Variants in RBMS1 observed in about 807,000 individuals in gnomAD.
RBMS1 encodes RNA-binding motif, single-stranded-interacting protein 1.
RBMS1 carries 17 observed loss-of-function variants against 62.3 expected under a neutral mutation model. That is an observed-to-expected ratio of 0.27 (90% CI 0.19 to 0.41). RBMS1 has a LOEUF of 0.41. RBMS1 is among the 10% of genes least tolerant of loss of function. RBMS1 has a pLI of 1.00. For missense variants in RBMS1, 334 were observed against 504.5 expected, an observed-to-expected ratio of 0.66 and a Z score of 3.24; for synonymous variants, 172 against 170.0, an observed-to-expected ratio of 1.01 and a Z score of -0.09.
At chr2:160,482,098 A>G (rs980747978) in intron 1 of RBMS1, among the ~76,000 whole-genome samples, 1 of 152,230 alleles carries the variant, frequency 6.6e-6, no homozygotes, top group Admixed American at 6.5e-5. Context: ...ATTTTGATAC[A>G]ATATATCCTG....
intron 1 of RBMS1, among the ~76,000 whole-genome samples, chr2:160,437,135 A>G (rs1318215145): frequency 6.6e-6 from 1 of 152,196 alleles, no homozygotes; most frequent in East Asian, 1.9e-4. Context: ...ACTTATACAG[A>G]AATAGAATAG....
intron 1 of RBMS1, among the ~76,000 whole-genome samples, chr2:160,409,502 C>T (rs1199136352): frequency 6.6e-6 from 1 of 152,210 alleles, no homozygotes; most frequent in East Asian, 1.9e-4. Flanking sequence ...CTTTTGCTGT[C>T]TCCTCTCACT....
chr2:160,390,688 C>CAA (rs34478081), intron 1 of RBMS1, among the ~76,000 whole-genome samples: 1,817 of 60,314 alleles, frequency 0.03, 77 homozygotes, highest in African/African-American at 0.065. Flanking sequence ...GACCCAGTCT[C>CAA]AAAAAAAAAA....
At chr2:160,346,934 AC>A (rs1213709100) in intron 2 of RBMS1, among the ~76,000 whole-genome samples, 1 of 152,122 alleles carries the variant, frequency 6.6e-6, no homozygotes, top group Non-Finnish European at 1.5e-5. Context: ...CAAAAAGCAA[AC>A]TTTGAAAAGA....
chr2:160,426,219 A>AAGAG lies in RBMS1; in HGVS notation c.76-58829_76-58828insCTCT, dbSNP rs1466981003. ...GAAAGGAAGAAAGAGAGAGAGACAGAAGAAAGAAAGAAAGAAAGAAAGAAA... is the reference window on the plus strand; with the variant it reads ...GAAAGGAAGAAAGAGAGAGAGACAGAAGAGAGAAAGAAAGAAAGAAAGAAAGAAA... On this transcript the variant is annotated intron_variant, in intron 1 of 13. Coordinates refer to ENST00000348849, the MANE Select transcript of RBMS1 (RefSeq NM_016836.4). Among the ~76,000 whole-genome samples, 207 of 30,272 alleles carry AAGAG rather than the reference A, an allele frequency of 6.8e-3. 3 individuals carry two copies. The highest frequency in any genetic ancestry group is 0.02 in the African/African-American group (167 of 8,278). The allele number at this position is 30,272 out of a possible 152,430, so 19.9% of individuals were successfully genotyped here. A position where few individuals can be genotyped will look rare whatever the true frequency, so the allele number is the denominator to read the frequency against.
At chr2:160,469,030 C>T (rs1221009525) in intron 1 of RBMS1, among the ~76,000 whole-genome samples, 2 of 152,148 alleles carry the variant, frequency 1.3e-5, no homozygotes, top group Admixed American at 6.5e-5. Flanking sequence ...TAAAAGAATA[C>T]AGGTTTCCCC....
At chr2:160,337,309 A>AT (rs1229425280) in intron 2 of RBMS1, among the ~76,000 whole-genome samples, 5 of 151,184 alleles carry the variant, frequency 3.3e-5, no homozygotes, top group Non-Finnish European at 5.9e-5. Flanking sequence ...AATTTTTTGT[A>AT]TTTTTAATAA....
chr2:160,473,448 A>T (rs1685005495), intron 1 of RBMS1, among the ~76,000 whole-genome samples: 1 of 152,178 alleles, frequency 6.6e-6, no homozygotes, highest in South Asian at 2.1e-4. Flanking sequence ...TTTAGGCAAA[A>T]TTCATGTTTT....
At chr2:160,364,932 T>A (rs1693318092) in intron 2 of RBMS1, among the ~76,000 whole-genome samples, 1 of 152,200 alleles carries the variant, frequency 6.6e-6, no homozygotes, top group African/African-American at 2.4e-5. Flanking sequence ...AAGTATTTCT[T>A]TTCTTTTTTA....
chr2:160,303,762 T>A (rs531557374), intron 4 of RBMS1, among the ~76,000 whole-genome samples: 1 of 152,166 alleles, frequency 6.6e-6, no homozygotes, highest in Admixed American at 6.5e-5. Context: ...CAACTCTCAG[T>A]TGTTTGCGGT....
At chr2:160,436,207 G>T (rs1471816448) in intron 1 of RBMS1, among the ~76,000 whole-genome samples, 1 of 152,206 alleles carries the variant, frequency 6.6e-6, no homozygotes, top group Non-Finnish European at 1.5e-5. Context: ...CATGGTGAGT[G>T]GCTTTGACCA....
intron 9 of RBMS1, chr2:160,283,277 T>G (rs1376566038): frequency 6.6e-6 from 1 of 152,206 alleles, no homozygotes; most frequent in Non-Finnish European, 1.5e-5. Context: ...GTTCAGACAG[T>G]TAAGAAAGAC....
chr2:160,407,870 C>G, intron 1 of RBMS1: 1 of 981,258 alleles, frequency 1.0e-6, no homozygotes, highest in Non-Finnish European at 1.2e-6. Context: ...AGCGCCGCCG[C>G]GTCCCCACCT....
At chr2:160,446,487 GAA>G (rs1202570545) in intron 1 of RBMS1, among the ~76,000 whole-genome samples, 3 of 152,194 alleles carry the variant, frequency 2.0e-5, no homozygotes, top group Non-Finnish European at 2.9e-5. Flanking sequence ...TCTGACACTT[GAA>G]GGTAGAGATT....
At chr2:160,424,105 G>A (rs62177353) in intron 1 of RBMS1, among the ~76,000 whole-genome samples, 40,938 of 150,100 alleles carry the variant, frequency 0.27, 6,121 homozygotes, top group East Asian at 0.6. Flanking sequence ...TGTAACCTCC[G>A]CCACTTGGGT....
chr2:160,401,350 T>C (rs1430122259), intron 1 of RBMS1, among the ~76,000 whole-genome samples: 2 of 152,240 alleles, frequency 1.3e-5, no homozygotes, highest in Non-Finnish European at 2.9e-5. Flanking sequence ...GCTGTCGTTA[T>C]ATTAAGTGTT....
At chr2:160,398,267 G>T (rs948366388) in intron 1 of RBMS1, among the ~76,000 whole-genome samples, 1 of 152,178 alleles carries the variant, frequency 6.6e-6, no homozygotes, top group Non-Finnish European at 1.5e-5. Context: ...TGAGGTGGGA[G>T]ATGTTTTAAT....
chr2:160,408,404 G>T (rs1479895843), intron 1 of RBMS1: 2 of 151,956 alleles, frequency 1.3e-5, no homozygotes, highest in Non-Finnish European at 2.9e-5. Flanking sequence ...TCCATCCCCC[G>T]ATTCACACGC....
chr2:160,375,168 C>G (rs999482774), intron 1 of RBMS1, among the ~76,000 whole-genome samples: 1 of 152,114 alleles, frequency 6.6e-6, no homozygotes, highest in African/African-American at 2.4e-5. Context: ...AGACAGAGCC[C>G]AGTCAGGACC....
Sources: allele counts gnomAD v4.1 joint callset (sites outside exome capture counted in the v4.1 genomes callset), GRCh38; gene constraint gnomAD v4.1.1; transcripts MANE v1.5; gene names NCBI Gene and HGNC (gene_info 2026-07-23, HGNC 2026-07-21).